The following GPHN variants were observed in gnomAD, a reference collection of about 807,000 sequenced individuals.
The protein encoded by GPHN is gephyrin.
Under a neutral mutation model 95.5 loss-of-function variants are expected in GPHN, and 17 were observed. The observed-to-expected ratio is 0.18, with a 90% confidence interval of 0.12 to 0.27. The LOEUF is 0.27. Among genes scored for constraint, GPHN ranks in the 10% least tolerant of loss-of-function variants. The pLI is 1.00. For synonymous variants in GPHN, 320 were observed against 322.5 expected (o/e 0.99, Z 0.08); for missense variants, 660 against 978.1 (o/e 0.67, Z 4.34).
chr14:66,628,262 A>C (rs1050358643), intron 1 of GPHN, among the ~76,000 whole-genome samples: 1 of 152,258 alleles, frequency 6.6e-6, no homozygotes. Flanking sequence ...TGAGAAATGC[A>C]TTGTTAGGCA....
At chr14:67,161,328 T>C (rs1278195872) in intron 19 of GPHN, among the ~76,000 whole-genome samples, 1 of 151,732 alleles carries the variant, frequency 6.6e-6, no homozygotes, top group Admixed American at 6.6e-5. Context: ...AAAGAAACTA[T>C]TGGATTTTGT....
intron 1 of GPHN, among the ~76,000 whole-genome samples, chr14:66,590,757 C>A (rs1464791647): frequency 6.6e-6 from 1 of 152,182 alleles, no homozygotes; most frequent in South Asian, 2.1e-4. Flanking sequence ...CCTTCTGAAA[C>A]TGTTCCAAAC....
chr14:67,326,221 A>AATTTTTT, the GPHN span, among the ~76,000 whole-genome samples: 1 of 12,894 alleles, frequency 7.8e-5, no homozygotes, highest in Non-Finnish European at 1.5e-4. Flanking sequence ...TTTAGGTCTG[A>AATTTTTT]TTTTTTTTTT....
chr14:67,133,708 C>G (rs1228193175), intron 17 of GPHN, among the ~76,000 whole-genome samples: 1 of 152,176 alleles, frequency 6.6e-6, no homozygotes, highest in Non-Finnish European at 1.5e-5. Context: ...TGAGTACATA[C>G]ACTTTTGAGA....
intron 2 of GPHN, among the ~76,000 whole-genome samples, chr14:66,707,119 T>C (rs1215100480): frequency 1.3e-5 from 2 of 150,176 alleles, no homozygotes; most frequent in Admixed American, 1.3e-4. Flanking sequence ...TGAGATACCA[T>C]CTCACGCCAG....
At chr14:67,636,614 C>A in the GPHN span, among the ~76,000 whole-genome samples, 1 of 152,348 alleles carries the variant, frequency 6.6e-6, no homozygotes, top group East Asian at 1.9e-4. Context: ...AGCCTGGTTG[C>A]ATCATTCTGT....
chr14:67,023,053 ATAT>A (rs1879023147), intron 9 of GPHN, among the ~76,000 whole-genome samples: 1 of 152,100 alleles, frequency 6.6e-6, no homozygotes. Flanking sequence ...TTCATAATCA[ATAT>A]TATAACTATG....
At chr14:67,045,093 A>G (rs947159864) in intron 10 of GPHN, among the ~76,000 whole-genome samples, 8 of 152,010 alleles carry the variant, frequency 5.3e-5, no homozygotes, top group Non-Finnish European at 1.2e-4. Context: ...CCCTTGACTC[A>G]CCTGTGATCC....
At chr14:66,969,778 G>A (rs1245766536) in intron 9 of GPHN, 13 of 148,554 alleles carry the variant, frequency 8.8e-5, no homozygotes, top group African/African-American at 2.7e-4. Context: ...TCCATCCTGG[G>A]CAACAGAACA....
chr14:67,502,762 A>G, the GPHN span, among the ~76,000 whole-genome samples: 1 of 152,082 alleles, frequency 6.6e-6, no homozygotes, highest in South Asian at 2.1e-4. Context: ...CCAGAAGGTG[A>G]TTTCTAAAGG....
chr14:66,877,397 C>CAA (rs893168941), intron 4 of GPHN, among the ~76,000 whole-genome samples: 6 of 152,016 alleles, frequency 3.9e-5, no homozygotes, highest in African/African-American at 1.5e-4. Flanking sequence ...AGCAATCAGG[C>CAA]AAGAGAAAGA....
In GPHN at chr14:67,113,127, G is replaced by A. The variant is rs2078472860; in HGVS notation, c.1582G>A (p.Val528Ile). The A allele has an allele frequency of 1.2e-6, 2 of 1,613,950 alleles. No individual in the cohort carries two copies. Among genetic ancestry groups the A allele is most frequent in the Non-Finnish European group, 1.7e-6 (2 of 1,179,846 alleles). The change falls in exon 16 of 23, where the codon GTT (valine) becomes ATT (isoleucine). Residue 528 changes from valine to isoleucine, a missense_variant. By Grantham distance (29) the Val-to-Ile change is conservative (BLOSUM62 3). Coordinates refer to ENST00000478722, the MANE Select transcript of GPHN (RefSeq NM_020806.5). ...LATVGVTEVEVNKFPVVAVMS... is the reference protein window; with the variant it reads ...LATVGVTEVEINKFPVVAVMS... ...AACTGTAGGTGTCACAGAGGTTGAA[G>A]TTAATAAGTTTCCAGTGGTTGCAGT...
At chr14:67,205,076 A>G in the GPHN span, 26 of 1,550,284 alleles carry the variant, frequency 1.7e-5, no homozygotes, top group East Asian at 5.9e-4. Flanking sequence ...ATCAGGGCCA[A>G]GCAAGAGGAG....
chr14:67,214,088 G>T, the GPHN span, among the ~76,000 whole-genome samples: 1 of 152,152 alleles, frequency 6.6e-6, no homozygotes, highest in Non-Finnish European at 1.5e-5. Context: ...TGAGTAGGTT[G>T]CGAAAATGTC....
At chr14:67,621,454 C>CT in the GPHN span, among the ~76,000 whole-genome samples, 974 of 145,476 alleles carry the variant, frequency 6.7e-3, 37 homozygotes, top group East Asian at 0.085. Context: ...TTTCCGTGTT[C>CT]TTTTTTTTTT....
intron 4 of GPHN, among the ~76,000 whole-genome samples, chr14:66,852,776 G>T (rs1408193242): frequency 6.6e-6 from 1 of 152,116 alleles, no homozygotes; most frequent in Non-Finnish European, 1.5e-5. Context: ...CAAAGATGAA[G>T]AATTCTGACA....
chr14:67,589,115 CA>C, the GPHN span: 1 of 153,550 alleles, frequency 6.5e-6, no homozygotes, highest in African/African-American at 2.4e-5. Context: ...TCTCTAAGGC[CA>C]ATAAGGATAA....
chr14:67,686,221 T>C, the GPHN span: 72 of 152,354 alleles, frequency 4.7e-4, no homozygotes, highest in African/African-American at 1.7e-3. Context: ...CTGTGTAACC[T>C]TGGGCAAGTT....
At chr14:66,980,959 G>A (rs2070622134) in intron 9 of GPHN, among the ~76,000 whole-genome samples, 3 of 152,206 alleles carry the variant, frequency 2.0e-5, no homozygotes, top group African/African-American at 2.4e-5. Context: ...TGAGGCAGGA[G>A]AATCACTTGA....
Sources: allele counts gnomAD v4.1 joint callset (sites outside exome capture counted in the v4.1 genomes callset), GRCh38; gene constraint gnomAD v4.1.1; transcripts MANE v1.5; gene names NCBI Gene and HGNC (gene_info 2026-07-23, HGNC 2026-07-21).